PTP4A1: variants seen among roughly 807,000 people sequenced by gnomAD.
PTP4A1 encodes the protein protein tyrosine phosphatase 4A1.
In PTP4A1, 9 loss-of-function variants were observed where a neutral mutation model predicts 20.5. The ratio of observed to expected loss-of-function variants is 0.44; its 90% CI spans 0.26 to 0.77. The LOEUF (loss-of-function observed/expected upper bound fraction) is 0.77, where lower values mean the gene tolerates loss of function less well. Among genes scored for constraint, PTP4A1 ranks in the 30% least tolerant of loss-of-function variants. The pLI, the probability that PTP4A1 is intolerant of heterozygous loss-of-function variation, is 0.19. For missense variants in PTP4A1, 137 were observed against 218.8 expected, an observed-to-expected ratio of 0.63 and a Z score of 2.36; for synonymous variants, 78 against 67.4, an observed-to-expected ratio of 1.16 and a Z score of -0.77.
Position 63,579,254 on chromosome 6 carries a change from C to T in PTP4A1, c.330-3C>T, listed in dbSNP as rs779722658. The stretch of plus-strand genomic sequence containing the variant: ...CTATTTATCAAAATTCTTACCTCAC[C>T]AGAGCTCCAGTACTTGTTGCCCTAG... On this transcript the variant is annotated splice_polypyrimidine_tract_variant and splice_region_variant and intron_variant, in intron 4 of 5. Transcript: ENST00000626021. The T allele has an allele frequency of 1.2e-5, 19 of 1,602,612 alleles. No homozygotes were observed. The East Asian group carries it at 3.8e-4, about 32-fold the overall frequency.
At chr6:63,532,079 G>C (rs184505749) in intron 2 of PTP4A1, among the ~76,000 whole-genome samples, 2 of 152,106 alleles carry the variant, frequency 1.3e-5, no homozygotes, top group African/African-American at 4.8e-5. Context: ...GATTACAGGC[G>C]TGAGCCACCA....
intron 2 of PTP4A1, among the ~76,000 whole-genome samples, chr6:63,541,042 G>A (rs1261501526): frequency 1.3e-5 from 2 of 150,042 alleles, no homozygotes; most frequent in Admixed American, 6.7e-5. Context: ...AGGAAGGAAG[G>A]AAGGAAGGAA....
At chr6:63,579,695 T>C (rs2149517588) in intron 5 of PTP4A1, among the ~76,000 whole-genome samples, 1 of 152,256 alleles carries the variant, frequency 6.6e-6, no homozygotes, top group South Asian at 2.1e-4. Flanking sequence ...ATACAACACA[T>C]AGAATATTTT....
intron 1 of PTP4A1, among the ~76,000 whole-genome samples, chr6:63,527,071 T>A (rs1388880644): frequency 6.6e-6 from 1 of 152,054 alleles, no homozygotes; most frequent in Admixed American, 6.6e-5. Context: ...CTCAGGCAGT[T>A]TCTTTTATCT....
chr6:63,528,686 G>A (rs369062326), intron 2 of PTP4A1, among the ~76,000 whole-genome samples: 13 of 152,084 alleles, frequency 8.5e-5, no homozygotes, highest in South Asian at 6.2e-4. Context: ...ACCTGAGCAC[G>A]GGGGAGGTCA....
At chr6:63,579,378 G>C (rs761238701) in intron 5 of PTP4A1, 47 bp downstream of exon 5, 1 of 1,445,066 alleles carries the variant, frequency 6.9e-7, no homozygotes, top group Non-Finnish European at 9.6e-7. Context: ...TCATTTCCTT[G>C]TTGAGTGTCA....
intron 2 of PTP4A1, among the ~76,000 whole-genome samples, chr6:63,533,518 A>C (rs575757532): frequency 2.6e-4 from 39 of 152,240 alleles, no homozygotes; most frequent in Non-Finnish European, 4.4e-4. Context: ...ATTCACAGTG[A>C]GTTTGCTCAA....
intron 1 of PTP4A1, among the ~76,000 whole-genome samples, chr6:63,526,833 A>ATATATATATATATATATT (rs1486980690): frequency 8.6e-5 from 11 of 128,030 alleles, no homozygotes; most frequent in African/African-American, 2.6e-4. Flanking sequence ...ATATATATAT[A>ATATATATATATATATATT]TATTTATTTA....
At chr6:63,531,438 C>T (rs1775458226) in intron 2 of PTP4A1, among the ~76,000 whole-genome samples, 2 of 151,482 alleles carry the variant, frequency 1.3e-5, no homozygotes, top group Admixed American at 1.3e-4. Flanking sequence ...ATGCAAAATG[C>T]CTACATAGAC....
chr6:63,530,314 GAC>G (rs1269285893), intron 2 of PTP4A1, among the ~76,000 whole-genome samples: 1 of 152,124 alleles, frequency 6.6e-6, no homozygotes. Flanking sequence ...CACAGCTACA[GAC>G]AAAGCCAGCC....
At chr6:63,527,343 G>T (rs981245011) in intron 1 of PTP4A1, among the ~76,000 whole-genome samples, 2 of 152,004 alleles carry the variant, frequency 1.3e-5, no homozygotes, top group Admixed American at 6.6e-5. Context: ...ACAGATTCTC[G>T]TATCACCACA....
At chr6:63,545,195 A>C (rs1776130459) in intron 2 of PTP4A1, among the ~76,000 whole-genome samples, 1 of 152,158 alleles carries the variant, frequency 6.6e-6, no homozygotes, top group African/African-American at 2.4e-5. Flanking sequence ...TTGATACTCA[A>C]ATCGTCCCAG....
chr6:63,549,915 T>C (rs1420337170), intron 2 of PTP4A1, among the ~76,000 whole-genome samples: 1 of 152,160 alleles, frequency 6.6e-6, no homozygotes, highest in East Asian at 1.9e-4. Flanking sequence ...ATGCCTATAG[T>C]TAACAATAAT....
At chr6:63,560,504 G>GT (rs761153391) in intron 3 of PTP4A1, among the ~76,000 whole-genome samples, 17 of 150,920 alleles carry the variant, frequency 1.1e-4, no homozygotes, top group Non-Finnish European at 2.1e-4. Context: ...CCGAGTTCAA[G>GT]TGATTCTCCT....
chr6:63,523,733 A>AT (rs1239177460), intron 1 of PTP4A1, among the ~76,000 whole-genome samples: 4 of 151,828 alleles, frequency 2.6e-5, no homozygotes, highest in East Asian at 3.9e-4. Context: ...TTTTTTTGCG[A>AT]TTTTTTTAAG....
intron 1 of PTP4A1, among the ~76,000 whole-genome samples, chr6:63,526,803 GTATATATATA>G (rs376671990): frequency 2.7e-4 from 27 of 101,440 alleles, no homozygotes; most frequent in African/African-American, 3.9e-4. Context: ...TCTCAAAAAT[GTATATATATA>G]TATATATATA....
chr6:63,571,664 C>T (rs1879), upstream of PTP4A1: 3,594 of 152,286 alleles, frequency 0.024, 79 homozygotes, highest in Non-Finnish European at 0.038. Context: ...GACAACATAT[C>T]AAGTGAGCAG....
At position 63,572,535 on chromosome 6, in the gene PTP4A1, G is replaced by C; in HGVS notation, c.-630G>C. On this transcript the variant is annotated 5_prime_UTR_variant, in exon 1 of 6. Transcript: ENST00000626021. ...GCGGGCCGGCTCGGCTACGCGCTCTGCTCCGAGCCGCTCACTGCATGGTAG... is the reference window on the plus strand; with the variant it reads ...GCGGGCCGGCTCGGCTACGCGCTCTCCTCCGAGCCGCTCACTGCATGGTAG... 2.5e-6 allele frequency: 1 copy of C among 393,714 alleles called. No homozygotes were observed. The highest frequency in any genetic ancestry group is 3.6e-5 in the East Asian group (1 of 27,626). The allele number at this position is 393,714 out of a possible 1,614,324, so 24.4% of individuals were successfully genotyped here. A position where few individuals can be genotyped will look rare whatever the true frequency, so the allele number is the denominator to read the frequency against.
At chr6:63,545,777 A>T (rs555964789) in intron 2 of PTP4A1, among the ~76,000 whole-genome samples, 31 of 152,200 alleles carry the variant, frequency 2.0e-4, no homozygotes, top group African/African-American at 7.0e-4. Flanking sequence ...ATTCAATCCA[A>T]TACTCTGAGA....
Sources: gnomAD v4.1 joint callset for allele counts (sites outside exome capture counted in the v4.1 genomes callset) on GRCh38, gnomAD v4.1.1 for gene constraint, MANE v1.5 for transcripts, NCBI Gene and HGNC (gene_info 2026-07-23, HGNC 2026-07-21) for gene names.